The following CDH13 variants were observed in gnomAD, a reference collection of about 807,000 sequenced individuals.
CDH13 encodes the protein cadherin-13.
In CDH13, 24 loss-of-function variants were observed where a neutral mutation model predicts 63.8. The ratio of observed to expected loss-of-function variants is 0.38; its 90% CI spans 0.27 to 0.53. The LOEUF is 0.53. CDH13 is among the 20% of genes least tolerant of loss of function. The probability of loss-of-function intolerance (pLI) is 0.85; values close to 1 mark genes in which losing one functional copy is unlikely to be tolerated. For missense variants in CDH13, 1,049 were observed against 903.1 expected (o/e 1.16, Z -2.07); for synonymous variants, 503 against 355.3 (o/e 1.42, Z -4.67).
At chr16:82,677,465 G>GTTTTTTTTTTTTTTTTTTTT (rs1914065030) in intron 1 of CDH13, among the ~76,000 whole-genome samples, 3 of 82,782 alleles carry the variant, frequency 3.6e-5, no homozygotes, top group African/African-American at 5.2e-5. Context: ...TTTTTTTTTG[G>GTTTTTTTTTTTTTTTTTTTT]TTTTTAACTC....
rs115577986 is a variant in CDH13, at chr16:83,281,563, C to G, written c.637-63299C>G. On this transcript the variant is annotated intron_variant, in intron 5 of 13. Transcript: ENST00000567109. The stretch of plus-strand genomic sequence containing the variant: ...GCATTCATAATTCAGCTGTTTGGTA[C>G]AAGAGGTCTGGCTTTCAGCTATCTC... 3.8e-3 allele frequency among the ~76,000 whole-genome samples: 584 copies of G among 152,222 alleles called. 4 individuals carry two copies. Among genetic ancestry groups the G allele is most frequent in the African/African-American group, 0.013 (554 of 41,542 alleles).
intron 11 of CDH13, among the ~76,000 whole-genome samples, chr16:83,776,556 A>G (rs1915126030): frequency 6.6e-6 from 1 of 152,198 alleles, no homozygotes; most frequent in Non-Finnish European, 1.5e-5. Flanking sequence ...GGGTGTTGAT[A>G]TATTTAAATT....
chr16:82,708,766 T>G (rs62036343), intron 1 of CDH13, among the ~76,000 whole-genome samples: 4,642 of 152,276 alleles, frequency 0.03, 110 homozygotes, highest in South Asian at 0.089. Flanking sequence ...ATGGAGAAGC[T>G]GTCAGTTTTC....
chr16:82,906,078 C>G (rs1394175444), intron 2 of CDH13, among the ~76,000 whole-genome samples: 1 of 152,164 alleles, frequency 6.6e-6, no homozygotes, highest in East Asian at 1.9e-4. Flanking sequence ...ATCGATCTAT[C>G]TACCTACCTA....
chr16:82,696,248 C>T (rs548076723), intron 1 of CDH13, among the ~76,000 whole-genome samples: 1 of 152,218 alleles, frequency 6.6e-6, no homozygotes, highest in South Asian at 2.1e-4. Context: ...TGATTTTATT[C>T]ACGTTATATA....
chr16:82,676,413 A>C (rs999489972), intron 1 of CDH13, among the ~76,000 whole-genome samples: 1 of 151,934 alleles, frequency 6.6e-6, no homozygotes, highest in African/African-American at 2.4e-5. Context: ...TTGTCTGCTA[A>C]ATATCTCAGC....
intron 7 of CDH13, among the ~76,000 whole-genome samples, chr16:83,564,614 G>A (rs1232603390): frequency 6.6e-6 from 1 of 152,050 alleles, no homozygotes; most frequent in African/African-American, 2.4e-5. Context: ...TCACCATGTT[G>A]GCCAGGCTGG....
intron 13 of CDH13, among the ~76,000 whole-genome samples, chr16:83,786,277 A>G (rs1915872129): frequency 6.6e-6 from 1 of 152,208 alleles, no homozygotes; most frequent in Admixed American, 6.5e-5. Flanking sequence ...GGCTTGCCGT[A>G]CACAATTGCC....
intron 1 of CDH13, among the ~76,000 whole-genome samples, chr16:82,718,064 T>C (rs936931461): frequency 3.3e-5 from 5 of 152,212 alleles, no homozygotes; most frequent in Admixed American, 6.5e-5. Context: ...AGGTGTTTAT[T>C]TGAGAGGTGA....
chr16:82,779,057 A>C (rs2035629729), intron 1 of CDH13, among the ~76,000 whole-genome samples: 1 of 152,228 alleles, frequency 6.6e-6, no homozygotes, highest in Non-Finnish European at 1.5e-5. Context: ...ATAATCTAGA[A>C]GTGTAAAGTT....
At chr16:83,654,686 C>T (rs1912700332) in intron 8 of CDH13, 1 of 152,178 alleles carries the variant, frequency 6.6e-6, no homozygotes, top group Non-Finnish European at 1.5e-5. Flanking sequence ...AACTACCATG[C>T]CTGTACTTTC....
chr16:82,817,846 C>T (rs937394381), intron 1 of CDH13, among the ~76,000 whole-genome samples: 1 of 152,138 alleles, frequency 6.6e-6, no homozygotes, highest in African/African-American at 2.4e-5. Flanking sequence ...TATATAAAAG[C>T]ATGCACGCAT....
chr16:82,674,769 G>T (rs1188890307), intron 1 of CDH13, among the ~76,000 whole-genome samples: 1 of 152,216 alleles, frequency 6.6e-6, no homozygotes, highest in Non-Finnish European at 1.5e-5. Context: ...AAGAAAGACA[G>T]GAGGAACTAA....
At chr16:83,434,945 A>ATT (rs2072246743) in intron 6 of CDH13, among the ~76,000 whole-genome samples, 1 of 145,742 alleles carries the variant, frequency 6.9e-6, no homozygotes, top group Non-Finnish European at 1.5e-5. Flanking sequence ...TATTTTATTT[A>ATT]TATATAAAAC....
chr16:82,669,477 G>A (rs957695048), intron 1 of CDH13, among the ~76,000 whole-genome samples: 2 of 152,092 alleles, frequency 1.3e-5, no homozygotes, highest in African/African-American at 2.4e-5. Context: ...ATTCTAGTAC[G>A]GACTTAATTG....
intron 7 of CDH13, among the ~76,000 whole-genome samples, chr16:83,597,496 T>C (rs1907380697): frequency 6.6e-6 from 1 of 152,186 alleles, no homozygotes; most frequent in East Asian, 1.9e-4. Context: ...TCCACTTGTA[T>C]AGGAAAAAGG....
intron 8 of CDH13, among the ~76,000 whole-genome samples, chr16:83,649,949 T>C (rs1912205157): frequency 6.6e-6 from 1 of 152,214 alleles, no homozygotes; most frequent in African/African-American, 2.4e-5. Flanking sequence ...ATGGATGACA[T>C]GCCATTTTTT....
chr16:83,070,519 T>TAGCCTTGGTGC (rs1162592664), intron 3 of CDH13, among the ~76,000 whole-genome samples: 19 of 152,342 alleles, frequency 1.2e-4, no homozygotes, highest in Non-Finnish European at 2.9e-5. Context: ...TTCTTTTTAA[T>TAGCCTTGGTGC]AGCCTTGGTG....
rs574803104 is a variant in CDH13, at chr16:82,644,269, C to A, written c.45+17132C>A. Among the ~76,000 whole-genome samples, 2 of 152,046 alleles carry A rather than the reference C, an allele frequency of 1.3e-5. No individual in the cohort carries two copies. The highest frequency in any genetic ancestry group is 2.4e-5 in the African/African-American group (1 of 41,382). On this transcript the variant is annotated intron_variant, in intron 1 of 13. Transcript: ENST00000567109. The surrounding 1 kb of genome is among the most constrained non-coding windows in gnomAD (Gnocchi z 5.7). ...AAGGTCTAAGGCTGGGAAAGGAGCT[C>A]CCACTTCTTACATTCAGTGCTCATC...
Sources: allele counts gnomAD v4.1 joint callset (sites outside exome capture counted in the v4.1 genomes callset), GRCh38; gene constraint gnomAD v4.1.1; non-coding constraint Gnocchi (gnomAD v3.1); transcripts MANE v1.5; gene names NCBI Gene and HGNC (gene_info 2026-07-23, HGNC 2026-07-21).